The following STXBP4 variants were observed in gnomAD, a reference collection of about 807,000 sequenced individuals.
The protein encoded by STXBP4 is syntaxin binding protein 4, also known as syntaxin-binding protein 4.
STXBP4 carries 55 observed loss-of-function variants against 76.1 expected under a neutral mutation model. The ratio of observed to expected loss-of-function variants is 0.72; its 90% CI spans 0.58 to 0.91. STXBP4 has a LOEUF of 0.91. Among genes scored for constraint, STXBP4 ranks in the 40% least tolerant of loss-of-function variants. The probability of loss-of-function intolerance (pLI) is 0.00; values close to 1 mark genes in which losing one functional copy is unlikely to be tolerated. For synonymous variants in STXBP4, 201 were observed against 220.2 expected (o/e 0.91, Z 0.77); for missense variants, 618 against 636.9 (o/e 0.97, Z 0.32).
rs2078870557 is a variant in STXBP4 at position 55,052,429 on chromosome 17, G to A, written c.1011+5275G>A. ...TCGTAAATTGATTAATTAATTAATA[G>A]GGAGAAAGGAGTACTTTTGCCTATA... On this transcript the variant is annotated intron_variant, in intron 12 of 17. Transcript: ENST00000376352. 2.0e-5 allele frequency among the ~76,000 whole-genome samples: 3 copies of A among 152,274 alleles called. No homozygotes were observed. In the South Asian group the frequency reaches 6.2e-4, roughly 32 times the overall value.
chr17:54,973,996 A>C (rs1043568726), intron 1 of STXBP4, among the ~76,000 whole-genome samples: 1 of 152,184 alleles, frequency 6.6e-6, no homozygotes, highest in Non-Finnish European at 1.5e-5. Context: ...ATGTTTTCTT[A>C]TCTGATTATT....
intron 15 of STXBP4, 43 bp from the exon 16 acceptor site, chr17:55,081,007 T>C (rs748400135): frequency 4.4e-6 from 6 of 1,373,960 alleles, no homozygotes; most frequent in Non-Finnish European, 5.7e-6. Flanking sequence ...ATAGATGTTG[T>C]TTATTGTGTA....
intron 17 of STXBP4, among the ~76,000 whole-genome samples, chr17:55,148,772 G>A (rs1348887781): frequency 1.3e-5 from 2 of 152,138 alleles, no homozygotes; most frequent in Non-Finnish European, 2.9e-5. Flanking sequence ...GACCTCAGGT[G>A]ATCTGCCCGC....
At chr17:55,122,698 A>G (rs1289627491) in intron 16 of STXBP4, among the ~76,000 whole-genome samples, 3 of 152,226 alleles carry the variant, frequency 2.0e-5, no homozygotes, top group Non-Finnish European at 4.4e-5. Flanking sequence ...TATAACAAGA[A>G]GCACTCAAAA....
intron 17 of STXBP4, among the ~76,000 whole-genome samples, chr17:55,152,401 G>T (rs528274974): frequency 6.6e-6 from 1 of 152,188 alleles, no homozygotes; most frequent in Admixed American, 6.5e-5. Flanking sequence ...TTTATTCATG[G>T]TCATCCAGAT....
chr17:55,196,218 C>T, the STXBP4 span, among the ~76,000 whole-genome samples: 2 of 152,134 alleles, frequency 1.3e-5, no homozygotes, highest in African/African-American at 4.8e-5. Flanking sequence ...GATTCATCTG[C>T]TTCTTTCTCC....
At chr17:54,987,528 T>C (rs2077643566) in intron 3 of STXBP4, among the ~76,000 whole-genome samples, 1 of 152,220 alleles carries the variant, frequency 6.6e-6, no homozygotes, top group Non-Finnish European at 1.5e-5. Context: ...ATAACTTGTT[T>C]TTGTTATATT....
chr17:55,146,091 TATATA>T (rs1456834695), intron 17 of STXBP4, among the ~76,000 whole-genome samples: 2 of 152,186 alleles, frequency 1.3e-5, no homozygotes, highest in African/African-American at 4.8e-5. Flanking sequence ...ATACATATGT[TATATA>T]ATATAACAAA....
chr17:55,090,567 A>C (rs2079397936), intron 16 of STXBP4, among the ~76,000 whole-genome samples: 1 of 152,196 alleles, frequency 6.6e-6, no homozygotes, highest in Non-Finnish European at 1.5e-5. Context: ...TTCTGAGTAG[A>C]GAGCTCTCTA....
intron 8 of STXBP4, among the ~76,000 whole-genome samples, chr17:55,010,161 T>G (rs947412634): frequency 6.6e-6 from 1 of 152,058 alleles, no homozygotes; most frequent in African/African-American, 2.4e-5. Context: ...ATTATGAATT[T>G]ATTAAGTAAT....
At chr17:54,970,268 A>G (rs2077373878) in intron 1 of STXBP4, among the ~76,000 whole-genome samples, 1 of 152,234 alleles carries the variant, frequency 6.6e-6, no homozygotes, top group South Asian at 2.1e-4. Flanking sequence ...AATGTTTGAC[A>G]CATACAAGTG....
At chr17:55,124,625 C>T (rs2079886214) in intron 16 of STXBP4, among the ~76,000 whole-genome samples, 1 of 152,188 alleles carries the variant, frequency 6.6e-6, no homozygotes. Flanking sequence ...TGTAGTCAGA[C>T]TGAAGTAATT....
chr17:55,089,231 T>C (rs1294421495), intron 16 of STXBP4, among the ~76,000 whole-genome samples: 1 of 152,230 alleles, frequency 6.6e-6, no homozygotes, highest in Non-Finnish European at 1.5e-5. Context: ...CTGCCATGAC[T>C]ACTGCTGGTG....
chr17:55,030,885 C>T (rs2078495569), intron 8 of STXBP4: 1 of 256,668 alleles, frequency 3.9e-6, no homozygotes. Flanking sequence ...TGTGCCAAAT[C>T]ATATAAACTA....
In STXBP4 at chr17:55,172,623, A is replaced by C. The variant is rs891018304; in HGVS notation, c.*12712A>C. 3 of 152,214 alleles carry C rather than the reference A, an allele frequency of 2.0e-5. No homozygotes were observed. The highest frequency in any genetic ancestry group is 4.4e-5 in the Non-Finnish European group (3 of 68,040). 9.4% of individuals were successfully genotyped at this position (152,214 alleles called of 1,614,324 possible). A position where few individuals can be genotyped will look rare whatever the true frequency, so the allele number is the denominator to read the frequency against. On this transcript the variant is annotated 3_prime_UTR_variant, in exon 18 of 18. Coordinates refer to ENST00000376352, the MANE Select transcript of STXBP4 (RefSeq NM_178509.6). ...TCTAAAAGTTAGTAATAATCCCACC[A>C]ACTCACATTTACATAGAAGTTACAG...
At chr17:54,993,386 C>T (rs992214771) in intron 4 of STXBP4, among the ~76,000 whole-genome samples, 1 of 152,148 alleles carries the variant, frequency 6.6e-6, no homozygotes, top group East Asian at 1.9e-4. Flanking sequence ...GAGGCCCAGG[C>T]AGGAGGATCC....
intron 1 of STXBP4, among the ~76,000 whole-genome samples, chr17:54,977,430 G>A (rs8078798): frequency 0.31 from 47,301 of 151,876 alleles, 7,708 homozygotes; most frequent in African/African-American, 0.37. Context: ...ATTGTGTTTT[G>A]TATTATAAGT....
At chr17:55,036,507 A>G (rs1185829019) in intron 10 of STXBP4, among the ~76,000 whole-genome samples, 3 of 151,722 alleles carry the variant, frequency 2.0e-5, no homozygotes, top group African/African-American at 7.2e-5. Flanking sequence ...TATTTACCTT[A>G]TATCTTACAA....
chr17:55,003,023 A>G (rs2077945212), intron 7 of STXBP4, among the ~76,000 whole-genome samples: 1 of 152,220 alleles, frequency 6.6e-6, no homozygotes, highest in Non-Finnish European at 1.5e-5. Context: ...AGTATATAAT[A>G]AGGAATCTGT....
Sources: allele counts gnomAD v4.1 joint callset (sites outside exome capture counted in the v4.1 genomes callset), GRCh38; gene constraint gnomAD v4.1.1; transcripts MANE v1.5; gene names NCBI Gene and HGNC (gene_info 2026-07-23, HGNC 2026-07-21).